HDAC9: variants seen among roughly 807,000 people sequenced by gnomAD.
The protein encoded by HDAC9 is histone deacetylase 9, also known as MEF-2 interacting transcription repressor (MITR) protein.
Under a neutral mutation model 139.4 loss-of-function variants are expected in HDAC9, and 41 were observed. That is an observed-to-expected ratio of 0.29 (90% CI 0.23 to 0.38). The LOEUF is 0.38. Ranked by LOEUF, HDAC9 falls within the 10% of genes least tolerant of loss-of-function variation. HDAC9 has a pLI of 1.00. For missense variants in HDAC9, 1,147 were observed against 1,297.0 expected, an observed-to-expected ratio of 0.88 and a Z score of 1.78; for synonymous variants, 517 against 476.2, an observed-to-expected ratio of 1.09 and a Z score of -1.12.
intron 2 of HDAC9, among the ~76,000 whole-genome samples, chr7:18,265,468 C>T (rs1239919355): frequency 6.6e-6 from 1 of 152,068 alleles, no homozygotes. Context: ...AAGCATGTGG[C>T]TAGAAAACAC....
intron 2 of HDAC9, among the ~76,000 whole-genome samples, chr7:18,279,054 C>T (rs1017737561): frequency 2.6e-5 from 4 of 152,100 alleles, no homozygotes; most frequent in Non-Finnish European, 4.4e-5. Context: ...CAATCTCAGG[C>T]GTGGACAGAA....
chr7:18,203,311 C>T (rs892336254), intron 2 of HDAC9, among the ~76,000 whole-genome samples: 1 of 152,068 alleles, frequency 6.6e-6, no homozygotes, highest in Non-Finnish European at 1.5e-5. Context: ...ACAGCCAAAC[C>T]GTGTATGTTG....
intron 14 of HDAC9, among the ~76,000 whole-genome samples, chr7:18,753,223 G>C (rs576636510): frequency 6.6e-6 from 1 of 152,050 alleles, no homozygotes; most frequent in African/African-American, 2.4e-5. Flanking sequence ...AAGGGGTTTT[G>C]AGTCATTCAT....
intron 12 of HDAC9, among the ~76,000 whole-genome samples, chr7:18,682,835 G>C (rs1781984087): frequency 6.6e-6 from 1 of 151,850 alleles, no homozygotes; most frequent in South Asian, 2.1e-4. Flanking sequence ...ACAAAAATTA[G>C]CTGGGCATGG....
chr7:18,359,501 T>A (rs1316886410), intron 1 of HDAC9, among the ~76,000 whole-genome samples: 1 of 152,226 alleles, frequency 6.6e-6, no homozygotes, highest in African/African-American at 2.4e-5. Context: ...AACTTGAGAA[T>A]GAAAAATTCA....
intron 2 of HDAC9, among the ~76,000 whole-genome samples, chr7:18,199,609 G>A (rs1033647921): frequency 2.6e-5 from 4 of 151,842 alleles, no homozygotes; most frequent in African/African-American, 9.7e-5. Context: ...AACATAGTGC[G>A]ACCTGTCTTT....
intron 13 of HDAC9, 68 bp from the exon 14 acceptor site, chr7:18,748,937 A>G: frequency 7.1e-7 from 1 of 1,405,818 alleles, no homozygotes; most frequent in Non-Finnish European, 9.8e-7. Flanking sequence ...TTATCATATT[A>G]TCTCCTAACA....
chr7:18,851,996 T>C (rs953128893), intron 21 of HDAC9, among the ~76,000 whole-genome samples: 1 of 152,198 alleles, frequency 6.6e-6, no homozygotes, highest in East Asian at 1.9e-4. Flanking sequence ...CCAAGGATTG[T>C]TGGAAACTTG....
chr7:18,431,903 C>T (rs536052562), intron 1 of HDAC9, among the ~76,000 whole-genome samples: 2 of 152,254 alleles, frequency 1.3e-5, no homozygotes, highest in Admixed American at 1.3e-4. Context: ...GTGTTGAGTA[C>T]TATTTTCATT....
chr7:18,718,441 C>T (rs1784877389), intron 12 of HDAC9, among the ~76,000 whole-genome samples: 1 of 151,982 alleles, frequency 6.6e-6, no homozygotes, highest in Admixed American at 6.6e-5. Context: ...CCTTGTTGCC[C>T]AGGCTGGTCT....
intron 21 of HDAC9, among the ~76,000 whole-genome samples, chr7:18,837,378 A>G (rs1796307731): frequency 6.6e-6 from 1 of 152,092 alleles, no homozygotes; most frequent in East Asian, 1.9e-4. Context: ...CTTTTTCAAC[A>G]TCACAAATAC....
rs1398782389 is a variant in HDAC9, at chr7:18,133,978, C to CGAA, written c.-96-28251_-96-28250insGAA. On this transcript the variant is annotated intron_variant, in intron 1 of 12. Coordinates refer to the HDAC9 transcript ENST00000417496. Reference sequence around the variant, plus strand: ...CACACATCTCTAGCCTTTCATCCATCTATTTTTTTTTTTTTTAATGTGTCT... The same window carrying CGAA: ...CACACATCTCTAGCCTTTCATCCATCGAATATTTTTTTTTTTTTTAATGTGTCT... 9.5e-5 allele frequency among the ~76,000 whole-genome samples: 14 copies of CGAA among 147,982 alleles called. No homozygotes were observed. In the East Asian group the frequency reaches 2.4e-3, roughly 25 times the overall value.
chr7:18,246,309 A>G (rs953528668), intron 2 of HDAC9, among the ~76,000 whole-genome samples: 3 of 151,490 alleles, frequency 2.0e-5, no homozygotes, highest in Non-Finnish European at 4.4e-5. Context: ...GGCAGAGGAA[A>G]CAGCTACAGC....
At chr7:18,601,675 C>T (rs1177316067) in intron 6 of HDAC9, among the ~76,000 whole-genome samples, 1 of 152,084 alleles carries the variant, frequency 6.6e-6, no homozygotes, top group Non-Finnish European at 1.5e-5. Flanking sequence ...TGAGAGTCCT[C>T]ACAAATTAAT....
At chr7:18,149,216 T>C (rs576971790) in intron 1 of HDAC9, among the ~76,000 whole-genome samples, 131 of 152,240 alleles carry the variant, frequency 8.6e-4, no homozygotes, top group African/African-American at 2.9e-3. Context: ...CCTGCTTCTG[T>C]CCTTTTCTTA....
intron 12 of HDAC9, among the ~76,000 whole-genome samples, chr7:18,695,892 C>T (rs1178100): frequency 0.34 from 51,806 of 151,700 alleles, 9,156 homozygotes; most frequent in East Asian, 0.48. Flanking sequence ...TTTTGTCACA[C>T]GTTTTTATTT....
intron 17 of HDAC9, among the ~76,000 whole-genome samples, chr7:18,822,859 C>T (rs1795092328): frequency 6.6e-6 from 1 of 152,102 alleles, no homozygotes. Context: ...ATCTGCCTAA[C>T]ACAAGTTGTT....
At chr7:18,976,373 T>C (rs1784551705) in intron 25 of HDAC9, among the ~76,000 whole-genome samples, 1 of 152,220 alleles carries the variant, frequency 6.6e-6, no homozygotes, top group African/African-American at 2.4e-5. Flanking sequence ...GAGTAGAAGA[T>C]GGAAATAATG....
chr7:18,613,851 C>A (rs998104968), intron 6 of HDAC9, among the ~76,000 whole-genome samples: 1 of 152,040 alleles, frequency 6.6e-6, no homozygotes, highest in Non-Finnish European at 1.5e-5. Flanking sequence ...GCTTTTGACC[C>A]CATTGTCCAA....
Sources: gnomAD v4.1 joint callset for allele counts (sites outside exome capture counted in the v4.1 genomes callset) on GRCh38, gnomAD v4.1.1 for gene constraint, MANE v1.5 for transcripts, NCBI Gene and HGNC (gene_info 2026-07-23, HGNC 2026-07-21) for gene names.